The following NRXN3 variants were observed in gnomAD, a reference collection of about 807,000 sequenced individuals.
The protein encoded by NRXN3 is neurexin 3, also known as neurexin III.
Under a neutral mutation model 137.6 loss-of-function variants are expected in NRXN3, and 32 were observed. The observed-to-expected ratio is 0.23, with a 90% CI of 0.18 to 0.31. The LOEUF (loss-of-function observed/expected upper bound fraction) is 0.31, where lower values mean the gene tolerates loss of function less well. Ranked by LOEUF, NRXN3 falls within the 10% of genes least tolerant of loss-of-function variation. The pLI, the probability that NRXN3 is intolerant of heterozygous loss-of-function variation, is 1.00. For missense variants in NRXN3, 1,574 were observed against 2,062.5 expected, an observed-to-expected ratio of 0.76 and a Z score of 4.59; for synonymous variants, 798 against 784.5, an observed-to-expected ratio of 1.02 and a Z score of -0.29.
At chr14:79,583,147 A>G (rs755092474) in intron 16 of NRXN3, among the ~76,000 whole-genome samples, 10 of 152,246 alleles carry the variant, frequency 6.6e-5, no homozygotes, top group Non-Finnish European at 1.5e-4. Flanking sequence ...ATTTTTCTCT[A>G]AATTCCCAGG....
At chr14:78,173,719 T>TTTTTG (rs1456740814) in intron 1 of NRXN3, among the ~76,000 whole-genome samples, 1 of 137,758 alleles carries the variant, frequency 7.3e-6, no homozygotes, top group Non-Finnish European at 1.6e-5. Flanking sequence ...CTTTTTTTTT[T>TTTTTG]TTTTTGCAAC....
chr14:79,088,759 C>G (rs2152796280), intron 15 of NRXN3, among the ~76,000 whole-genome samples: 1 of 152,158 alleles, frequency 6.6e-6, no homozygotes, highest in South Asian at 2.1e-4. Flanking sequence ...GTTATATCAG[C>G]CCTTTTTTTA....
intron 1 of NRXN3, among the ~76,000 whole-genome samples, chr14:78,205,300 T>TG (rs1318683230): frequency 2.6e-5 from 4 of 152,304 alleles, no homozygotes; most frequent in Admixed American, 6.5e-5. Flanking sequence ...AATGGAGGTC[T>TG]GGGGGGGATT....
At chr14:78,772,392 G>T (rs552765827) in intron 8 of NRXN3, among the ~76,000 whole-genome samples, 1 of 152,312 alleles carries the variant, frequency 6.6e-6, no homozygotes, top group South Asian at 2.1e-4. Flanking sequence ...GTTGATCCTT[G>T]TGTTGAAGTT....
At chr14:78,847,092 C>G (rs542293293) in intron 10 of NRXN3, among the ~76,000 whole-genome samples, 93 of 152,174 alleles carry the variant, frequency 6.1e-4, no homozygotes, top group African/African-American at 2.2e-3. Context: ...TTCAGCACAC[C>G]TTCCGTCTCT....
chr14:78,439,947 C>T (rs1055820679), intron 4 of NRXN3, among the ~76,000 whole-genome samples: 7 of 152,188 alleles, frequency 4.6e-5, no homozygotes, highest in Admixed American at 1.3e-4. Context: ...CCCCAAATGC[C>T]AGGAAGGTGG....
Position 79,668,396 on chromosome 14 carries a change from T to A in NRXN3, c.3616+4447T>A, listed in dbSNP as rs754941753. ...CTGTGAAGGACAGGGTTTGGTATTATTACTCCTGCCATACCCATTTTAAGG... is the reference window on the plus strand; with the variant it reads ...CTGTGAAGGACAGGGTTTGGTATTAATACTCCTGCCATACCCATTTTAAGG... On this transcript the variant is annotated intron_variant, in intron 17 of 20. Transcript: ENST00000335750. 1.9e-3 allele frequency among the ~76,000 whole-genome samples: 291 copies of A among 152,184 alleles called. 2 individuals are homozygous for A. The highest frequency in any genetic ancestry group is 2.4e-3 in the Non-Finnish European group (163 of 67,974).
intron 15 of NRXN3, among the ~76,000 whole-genome samples, chr14:79,078,859 A>G (rs1180490002): frequency 6.6e-6 from 1 of 152,144 alleles, no homozygotes; most frequent in Non-Finnish European, 1.5e-5. Flanking sequence ...AGAGGAAGTT[A>G]TACTAGATGT....
chr14:79,530,746 A>G (rs1332180991), intron 16 of NRXN3, among the ~76,000 whole-genome samples: 4 of 152,170 alleles, frequency 2.6e-5, no homozygotes, highest in African/African-American at 9.7e-5. Flanking sequence ...CCTCTTGTAC[A>G]GAGTCAGCAG....
At chr14:78,966,529 G>A (rs1373206852) in intron 12 of NRXN3, 123 bp downstream of exon 12, 5 of 1,016,634 alleles carry the variant, frequency 4.9e-6, no homozygotes, top group East Asian at 2.4e-5. Context: ...ACACATTCTC[G>A]CATCTTCCTT....
At chr14:78,510,059 T>TATATATATATATATATATATA (rs1567797721) in intron 4 of NRXN3, among the ~76,000 whole-genome samples, 7 of 148,352 alleles carry the variant, frequency 4.7e-5, no homozygotes, top group South Asian at 2.1e-4. Context: ...TATATATATA[T>TATATATATATATATATATATA]TTTGGCAATG....
At chr14:78,829,982 GC>G (rs751885794) in intron 10 of NRXN3, among the ~76,000 whole-genome samples, 2 of 152,178 alleles carry the variant, frequency 1.3e-5, no homozygotes, top group Admixed American at 6.5e-5. Flanking sequence ...GTTAAGAATT[GC>G]CGAAAGAGAG....
intron 4 of NRXN3, among the ~76,000 whole-genome samples, chr14:78,393,667 T>C (rs1449713706): frequency 6.6e-6 from 1 of 152,064 alleles, no homozygotes; most frequent in African/African-American, 2.4e-5. Context: ...GCTTGGATTT[T>C]GACGGAAATT....
chr14:78,688,880 TAAAATC>T (rs781438365), intron 6 of NRXN3, among the ~76,000 whole-genome samples: 64 of 151,926 alleles, frequency 4.2e-4, no homozygotes, highest in Non-Finnish European at 8.2e-4. Flanking sequence ...CTCACATTAA[TAAAATC>T]AGGAGAAAAA....
At chr14:78,453,499 G>A (rs1159737883) in intron 4 of NRXN3, among the ~76,000 whole-genome samples, 1 of 152,204 alleles carries the variant, frequency 6.6e-6, no homozygotes, top group Non-Finnish European at 1.5e-5. Context: ...AGGGAGCTCT[G>A]ATCCAACATA....
intron 19 of NRXN3, among the ~76,000 whole-genome samples, chr14:79,787,900 G>A (rs185078649): frequency 2.0e-5 from 3 of 152,238 alleles, no homozygotes; most frequent in South Asian, 2.1e-4. Flanking sequence ...AATCTCACAA[G>A]GATGGGAAAT....
At chr14:78,485,256 G>T (rs902788798) in intron 4 of NRXN3, among the ~76,000 whole-genome samples, 2 of 152,312 alleles carry the variant, frequency 1.3e-5, no homozygotes, top group Non-Finnish European at 2.9e-5. Context: ...GGAGATTCAA[G>T]AAGGCAGACA....
At chr14:79,098,237 C>T (rs1315272477) in intron 15 of NRXN3, among the ~76,000 whole-genome samples, 1 of 152,156 alleles carries the variant, frequency 6.6e-6, no homozygotes, top group African/African-American at 2.4e-5. Flanking sequence ...CAAGAACAAT[C>T]TCAATCTGAT....
rs546796108 is a variant in NRXN3, at chr14:79,392,595, C to T, written c.3263-74626C>T. On this transcript the variant is annotated intron_variant, in intron 15 of 20. Transcript: ENST00000335750. The stretch of plus-strand genomic sequence containing the variant: ...TGCCAACAAACATATGAAAAAAGCT[C>T]ATCATCATTGGTCGTTAGAGAAATG... 7.2e-5 allele frequency among the ~76,000 whole-genome samples: 11 copies of T among 152,268 alleles called. No homozygotes were observed. In the Middle Eastern group the frequency reaches 0.017, roughly 235 times the overall value.
Sources: gnomAD v4.1 joint callset for allele counts (sites outside exome capture counted in the v4.1 genomes callset) on GRCh38, gnomAD v4.1.1 for gene constraint, MANE v1.5 for transcripts, NCBI Gene and HGNC (gene_info 2026-07-23, HGNC 2026-07-21) for gene names.